Variants in PITPNB observed in about 807,000 individuals in gnomAD.
PITPNB encodes the protein phosphatidylinositol transfer protein beta, also known as phosphatidylinositol transfer protein beta isoform.
In PITPNB, 16 loss-of-function variants were observed where a neutral mutation model predicts 45.9. That is an observed-to-expected ratio of 0.35 (90% confidence interval 0.24 to 0.53). The LOEUF (loss-of-function observed/expected upper bound fraction) is 0.53. Ranked by LOEUF, PITPNB falls within the 20% of genes least tolerant of loss-of-function variation. PITPNB has a pLI of 0.93. For synonymous variants in PITPNB, 112 were observed against 108.9 expected (o/e 1.03, Z -0.18); for missense variants, 188 against 330.5 (o/e 0.57, Z 3.34).
intron 7 of PITPNB, among the ~76,000 whole-genome samples, chr22:27,885,802 TTTC>T (rs1271497124): frequency 3.3e-5 from 5 of 152,196 alleles, no homozygotes; most frequent in African/African-American, 4.8e-5. Context: ...CAAAAAGCCT[TTTC>T]TTCTTCTTTT....
intron 7 of PITPNB, among the ~76,000 whole-genome samples, chr22:27,887,238 C>T (rs1252029922): frequency 2.6e-5 from 4 of 152,190 alleles, no homozygotes; most frequent in Admixed American, 6.5e-5. Flanking sequence ...CCAGTAGTCA[C>T]ACGATCTCCC....
chr22:27,881,136 C>A (rs1412910898), intron 7 of PITPNB, among the ~76,000 whole-genome samples: 3 of 152,184 alleles, frequency 2.0e-5, no homozygotes, highest in African/African-American at 7.2e-5. Flanking sequence ...AACATGCCTA[C>A]ATTTATTTAT....
chr22:27,912,983 CAAAAAAAAAAA>C (rs35050003), intron 2 of PITPNB, among the ~76,000 whole-genome samples: 1 of 33,644 alleles, frequency 3.0e-5, no homozygotes, highest in Admixed American at 3.6e-4. Context: ...ACTCCATCTC[CAAAAAAAAAAA>C]AAAAAAAAAG....
chr22:27,877,758 G>A (rs1219085986), intron 7 of PITPNB, among the ~76,000 whole-genome samples: 1 of 152,232 alleles, frequency 6.6e-6, no homozygotes, highest in Non-Finnish European at 1.5e-5. Flanking sequence ...GAAGTGAGTA[G>A]GAGGTGGGGG....
chr22:27,855,835 A>AT (rs1934157593), intron 10 of PITPNB, among the ~76,000 whole-genome samples: 1 of 152,180 alleles, frequency 6.6e-6, no homozygotes, highest in Admixed American at 6.5e-5. Flanking sequence ...GAGCATTATA[A>AT]TGTCATTAAA....
In PITPNB at chr22:27,863,112, A is replaced by C. The variant is rs148331034; in HGVS notation, c.535-2871T>G. ...ACTGAAAATCCTCATATGCAATACA[A>C]CTTGGGTATATGTAGAATATGGCAC... On this transcript the variant is annotated intron_variant, in intron 8 of 11. Coordinates refer to ENST00000335272, the MANE Select transcript of PITPNB (RefSeq NM_012399.5). Among the ~76,000 whole-genome samples, 12 of 152,298 alleles carry C rather than the reference A, an allele frequency of 7.9e-5. No homozygotes were observed. In the East Asian group the frequency reaches 2.1e-3, roughly 27 times the overall value.
chr22:27,880,748 G>A (rs749060557), intron 7 of PITPNB, among the ~76,000 whole-genome samples: 15 of 151,800 alleles, frequency 9.9e-5, no homozygotes, highest in African/African-American at 1.9e-4. Flanking sequence ...TCAGCTTCCC[G>A]AGTAGCTGGG....
chr22:27,910,640 T>C (rs1287872093), intron 3 of PITPNB: 1 of 199,898 alleles, frequency 5.0e-6, no homozygotes, highest in Non-Finnish European at 1.0e-5. Context: ...AATACATCGC[T>C]ATGTTTTAAA....
intron 11 of PITPNB, among the ~76,000 whole-genome samples, chr22:27,853,935 A>ATTTT (rs35748712): frequency 6.7e-6 from 1 of 149,134 alleles, no homozygotes. Flanking sequence ...AATAACTTAA[A>ATTTT]TTTTTTTTTT....
chr22:27,913,490 C>T (rs1935993496), intron 2 of PITPNB, among the ~76,000 whole-genome samples: 1 of 152,194 alleles, frequency 6.6e-6, no homozygotes, highest in Non-Finnish European at 1.5e-5. Context: ...TTCTCAGAAG[C>T]TGTTTCTGCT....
chr22:27,904,269 G>A (rs1372979736), intron 3 of PITPNB, among the ~76,000 whole-genome samples: 2 of 152,318 alleles, frequency 1.3e-5, no homozygotes, highest in South Asian at 4.1e-4. Flanking sequence ...AACAAAATGT[G>A]GCAGGCCTAT....
intron 3 of PITPNB, among the ~76,000 whole-genome samples, chr22:27,908,372 G>A (rs1379042744): frequency 6.9e-6 from 1 of 144,464 alleles, no homozygotes; most frequent in Non-Finnish European, 1.5e-5. Context: ...CACATGTAAT[G>A]TATTATGTAT....
chr22:27,907,096 T>A (rs1401401511), intron 3 of PITPNB, among the ~76,000 whole-genome samples: 3 of 152,218 alleles, frequency 2.0e-5, no homozygotes, highest in Non-Finnish European at 2.9e-5. Flanking sequence ...ATAGTGACGG[T>A]GCACCCAGCT....
At chr22:27,898,993 GCA>G (rs1286469438) in intron 3 of PITPNB, among the ~76,000 whole-genome samples, 7 of 152,224 alleles carry the variant, frequency 4.6e-5, no homozygotes. Context: ...AGTTTTGCTT[GCA>G]CAGACTTTTC....
At chr22:27,877,043 T>C (rs538905370) in intron 7 of PITPNB, among the ~76,000 whole-genome samples, 34 of 152,374 alleles carry the variant, frequency 2.2e-4, no homozygotes, top group African/African-American at 7.9e-4. Flanking sequence ...GAATTTGCTA[T>C]GCACTTTCTG....
chr22:27,905,320 T>C (rs1935725230), intron 3 of PITPNB, among the ~76,000 whole-genome samples: 1 of 152,116 alleles, frequency 6.6e-6, no homozygotes, highest in Non-Finnish European at 1.5e-5. Context: ...GCTAAATTTT[T>C]TGTATTTTTA....
intron 9 of PITPNB, among the ~76,000 whole-genome samples, chr22:27,858,743 G>A (rs2146347028): frequency 6.6e-6 from 1 of 152,204 alleles, no homozygotes; most frequent in Non-Finnish European, 1.5e-5. Context: ...AGGCAAAGGT[G>A]TCATGATCTA....
chr22:27,912,006 G>A (rs1389686361), intron 2 of PITPNB, among the ~76,000 whole-genome samples: 1 of 152,094 alleles, frequency 6.6e-6, no homozygotes, highest in African/African-American at 2.4e-5. Flanking sequence ...CCCAACTGTG[G>A]CACTATCTTC....
chr22:27,894,479 A>C, intron 7 of PITPNB, 76 bp downstream of exon 7: 1 of 817,614 alleles, frequency 1.2e-6, no homozygotes, highest in Non-Finnish European at 2.1e-6. Flanking sequence ...TTTTTAACTT[A>C]ATCCCAAATG....
Sources: allele counts gnomAD v4.1 joint callset (sites outside exome capture counted in the v4.1 genomes callset), GRCh38; gene constraint gnomAD v4.1.1; transcripts MANE v1.5; gene names NCBI Gene and HGNC (gene_info 2026-07-23, HGNC 2026-07-21).